THSD4: variants seen among roughly 807,000 people sequenced by gnomAD.
THSD4 encodes thrombospondin type-1 domain-containing protein 4.
Under a neutral mutation model 119.0 loss-of-function variants are expected in THSD4, and 69 were observed. The ratio of observed to expected loss-of-function variants is 0.58; its 90% CI spans 0.48 to 0.71. THSD4 has a LOEUF of 0.71. Ranked by LOEUF, THSD4 falls within the 30% of genes least tolerant of loss-of-function variation. THSD4 has a pLI of 0.00. For synonymous variants in THSD4, 524 were observed against 540.4 expected, an observed-to-expected ratio of 0.97 and a Z score of 0.42; for missense variants, 1,393 against 1,391.1, an observed-to-expected ratio of 1.00 and a Z score of -0.02.
At chr15:71,441,624 A>T (rs888998387) in intron 7 of THSD4, among the ~76,000 whole-genome samples, 1 of 151,566 alleles carries the variant, frequency 6.6e-6, no homozygotes, top group Non-Finnish European at 1.5e-5. Flanking sequence ...CGAACTGCTG[A>T]CCTCGTAATC....
rs2053147657 is a variant in THSD4 at position 71,737,854 on chromosome 15, T to G, written c.1753T>G (p.Ser585Ala). 6.2e-7 allele frequency: 1 copy of G among 1,614,098 alleles called. No individual in the cohort carries two copies. Among genetic ancestry groups the G allele is most frequent in the Non-Finnish European group, 8.5e-7 (1 of 1,180,044 alleles). ...GEAPEMFTSE[S>A]AQTFPVRHPD... is the part of the protein sequence containing the mutation. ...GGCCCCTGAGATGTTCACCTCAGAATCGGCACAGACCTTCCCAGTCAGGCA... is the reference window on the plus strand; with the variant it reads ...GGCCCCTGAGATGTTCACCTCAGAAGCGGCACAGACCTTCCCAGTCAGGCA... The change falls in exon 11 of 18, where the codon TCG (serine) becomes GCG (alanine). Residue 585 changes from serine to alanine, a missense_variant. Physicochemically the swap from Ser to Ala is moderately conservative, Grantham distance 99 (BLOSUM62 1). Coordinates refer to ENST00000261862, the MANE Select transcript of THSD4 (RefSeq NM_024817.3).
intron 6 of THSD4, among the ~76,000 whole-genome samples, chr15:71,387,756 G>A (rs1040170676): frequency 6.6e-6 from 1 of 152,172 alleles, no homozygotes; most frequent in African/African-American, 2.4e-5. Flanking sequence ...ATTATGGTCT[G>A]GTCAGGGAAT....
At chr15:71,438,829 T>C (rs914128846) in intron 7 of THSD4, among the ~76,000 whole-genome samples, 1 of 152,240 alleles carries the variant, frequency 6.6e-6, no homozygotes, top group East Asian at 1.9e-4. Flanking sequence ...GGACTTCAAA[T>C]GGAAACCTTT....
chr15:71,747,152 A>T (rs1203524727), intron 13 of THSD4, 110 bp downstream of exon 13: 4 of 1,289,638 alleles, frequency 3.1e-6, no homozygotes, highest in Non-Finnish European at 4.3e-6. Context: ...CACAGGAGGG[A>T]ACCCGTCCCG....
At position 71,728,546 on chromosome 15, in the gene THSD4, C is replaced by T. The variant is rs749994826; in HGVS notation, c.1358-3C>T. 1.2e-6 allele frequency: 2 copies of T among 1,613,486 alleles called. No homozygotes were observed. The highest frequency in any genetic ancestry group is 1.7e-6 in the Non-Finnish European group (2 of 1,179,594). On this transcript the variant is annotated splice_polypyrimidine_tract_variant and splice_region_variant and intron_variant, in intron 8 of 17. Coordinates refer to ENST00000261862, the MANE Select transcript of THSD4 (RefSeq NM_024817.3). Reference sequence around the variant, plus strand: ...CAAAGAACTGTCTGATTTTTCTCAACAGCCCTGAGAAGTCGTTCTGGACGC... The same window carrying T: ...CAAAGAACTGTCTGATTTTTCTCAATAGCCCTGAGAAGTCGTTCTGGACGC...
At chr15:71,632,157 C>T (rs1223277827) in intron 7 of THSD4, among the ~76,000 whole-genome samples, 2 of 152,208 alleles carry the variant, frequency 1.3e-5, no homozygotes, top group Non-Finnish European at 2.9e-5. Context: ...ATCATTAGTT[C>T]TTGTTATTTG....
At chr15:71,294,837 A>G (rs759156658) in intron 6 of THSD4, among the ~76,000 whole-genome samples, 3 of 151,766 alleles carry the variant, frequency 2.0e-5, no homozygotes, top group African/African-American at 4.8e-5. Flanking sequence ...ACCACGCCCA[A>G]TCCAGTATTT....
At chr15:71,651,978 C>T (rs1051116423) in intron 7 of THSD4, among the ~76,000 whole-genome samples, 4 of 152,198 alleles carry the variant, frequency 2.6e-5, no homozygotes, top group African/African-American at 9.6e-5. Flanking sequence ...GCCATGGGGA[C>T]GGTCCCGTGA....
chr15:71,620,186 A>G (rs1371913480), intron 7 of THSD4, among the ~76,000 whole-genome samples: 1 of 152,218 alleles, frequency 6.6e-6, no homozygotes, highest in African/African-American at 2.4e-5. Flanking sequence ...AAAGTTACCT[A>G]ACATTTCTGA....
intron 3 of THSD4, among the ~76,000 whole-genome samples, chr15:71,182,535 T>C (rs1024050662): frequency 5.9e-5 from 9 of 151,832 alleles, no homozygotes; most frequent in Non-Finnish European, 1.0e-4. Flanking sequence ...CCCACACTTA[T>C]ACACATAAAA....
At chr15:71,746,567 G>A (rs1193555599) in intron 12 of THSD4, among the ~76,000 whole-genome samples, 4 of 151,938 alleles carry the variant, frequency 2.6e-5, no homozygotes, top group Non-Finnish European at 5.9e-5. Context: ...GCTAACTTTG[G>A]TATTTTTTGT....
chr15:71,098,871 C>T (rs1472917860), intron 1 of THSD4, among the ~76,000 whole-genome samples: 1 of 152,076 alleles, frequency 6.6e-6, no homozygotes, highest in African/African-American at 2.4e-5. Context: ...ATATATTTCC[C>T]AGGCAGAAAA....
intron 6 of THSD4, among the ~76,000 whole-genome samples, chr15:71,392,611 A>G (rs2046392268): frequency 2.0e-5 from 3 of 152,152 alleles, no homozygotes; most frequent in Non-Finnish European, 2.9e-5. Flanking sequence ...GAATATAATT[A>G]CATTTTGAAG....
At chr15:71,413,158 C>G (rs1371173967) in intron 7 of THSD4, among the ~76,000 whole-genome samples, 1 of 152,132 alleles carries the variant, frequency 6.6e-6, no homozygotes, top group Non-Finnish European at 1.5e-5. Flanking sequence ...ATTACAGGCT[C>G]ACGCCACCAT....
In THSD4 at chr15:71,292,838, G is replaced by A. The variant is rs540749056; in HGVS notation, c.1015+36123G>A. ...ACTACAGGCACCCACCACCACGCCCGGCTGATTTTTTGTATTTTTAGTAGA... is the reference window on the plus strand; with the variant it reads ...ACTACAGGCACCCACCACCACGCCCAGCTGATTTTTTGTATTTTTAGTAGA... On this transcript the variant is annotated intron_variant, in intron 6 of 17. Transcript: ENST00000261862. Among the ~76,000 whole-genome samples the A allele has an allele frequency of 8.6e-5, 13 of 151,994 alleles. No homozygotes were observed. In the East Asian group the frequency reaches 2.5e-3, roughly 29 times the overall value.
upstream of THSD4, among the ~76,000 whole-genome samples, chr15:71,113,236 G>A (rs1032516445): frequency 3.3e-5 from 5 of 152,182 alleles, no homozygotes; most frequent in Admixed American, 3.3e-4. Context: ...TTTAAAGAAA[G>A]AGACTTTCTT....
chr15:71,244,605 A>G (rs1190449325), intron 5 of THSD4, among the ~76,000 whole-genome samples: 1 of 152,218 alleles, frequency 6.6e-6, no homozygotes, highest in Non-Finnish European at 1.5e-5. Context: ...GTAAGTCTTC[A>G]TTGAGCATCA....
intron 7 of THSD4, among the ~76,000 whole-genome samples, chr15:71,487,143 T>C (rs2047835049): frequency 6.6e-6 from 1 of 152,246 alleles, no homozygotes; most frequent in Non-Finnish European, 1.5e-5. Flanking sequence ...TGCAACATGC[T>C]TCTGACCTTG....
intron 7 of THSD4, among the ~76,000 whole-genome samples, chr15:71,506,703 T>TA (rs141839601): frequency 0.06 from 9,178 of 152,248 alleles, 651 homozygotes; most frequent in African/African-American, 0.17. Context: ...TTCCACCACT[T>TA]ACGGCGGCCT....
Sources: allele counts gnomAD v4.1 joint callset (sites outside exome capture counted in the v4.1 genomes callset), GRCh38; gene constraint gnomAD v4.1.1; transcripts MANE v1.5; gene names NCBI Gene and HGNC (gene_info 2026-07-23, HGNC 2026-07-21).